The following GRK5 variants were observed in gnomAD, a reference collection of about 807,000 sequenced individuals.
The protein encoded by GRK5 is G protein-coupled receptor kinase 5, also known as g protein-coupled receptor kinase GRK5.
GRK5 carries 40 observed loss-of-function variants against 78.4 expected under a neutral mutation model. That is an observed-to-expected ratio of 0.51 (90% CI 0.40 to 0.66). The LOEUF is 0.66. GRK5 is among the 30% of genes least tolerant of loss of function. The pLI, the probability that GRK5 is intolerant of heterozygous loss-of-function variation, is 0.00. For synonymous variants in GRK5, 289 were observed against 296.8 expected (o/e 0.97, Z 0.27); for missense variants, 598 against 759.9 (o/e 0.79, Z 2.50).
intron 2 of GRK5, among the ~76,000 whole-genome samples, chr10:119,380,375 C>T (rs1851692393): frequency 6.6e-6 from 1 of 152,234 alleles, no homozygotes; most frequent in African/African-American, 2.4e-5. Flanking sequence ...TTCACACCCA[C>T]TCACCATGAC....
chr10:119,314,881 T>A (rs1564888099), intron 1 of GRK5, among the ~76,000 whole-genome samples: 1 of 152,154 alleles, frequency 6.6e-6, no homozygotes, highest in Non-Finnish European at 1.5e-5. Flanking sequence ...GCAGAAAGGC[T>A]GTGTAGAGAA....
At chr10:119,316,654 C>A (rs1206730755) in intron 1 of GRK5, among the ~76,000 whole-genome samples, 1 of 152,342 alleles carries the variant, frequency 6.6e-6, no homozygotes, top group East Asian at 1.9e-4. Flanking sequence ...GATACCCAAA[C>A]CCTTGACAGG....
At chr10:119,210,140 C>T (rs1275271787) in intron 1 of GRK5, among the ~76,000 whole-genome samples, 3 of 151,926 alleles carry the variant, frequency 2.0e-5, no homozygotes, top group African/African-American at 7.2e-5. Flanking sequence ...ATGTGCCTTT[C>T]ACTTTTTTTT....
At chr10:119,218,327 G>T (rs1165211909) in intron 1 of GRK5, among the ~76,000 whole-genome samples, 2 of 152,118 alleles carry the variant, frequency 1.3e-5, no homozygotes, top group African/African-American at 2.4e-5. Flanking sequence ...GGAAGGGGAG[G>T]GGGTAGGAGA....
intron 4 of GRK5, among the ~76,000 whole-genome samples, chr10:119,398,096 G>A (rs971796922): frequency 6.6e-6 from 1 of 152,332 alleles, no homozygotes; most frequent in African/African-American, 2.4e-5. Flanking sequence ...CCACCTTGGG[G>A]GCCTTGCTAT....
intron 1 of GRK5, among the ~76,000 whole-genome samples, chr10:119,221,212 C>T (rs1286474157): frequency 6.6e-6 from 1 of 152,042 alleles, no homozygotes; most frequent in Non-Finnish European, 1.5e-5. Flanking sequence ...TCTTCCCATG[C>T]ACCCCTGCTA....
At chr10:119,337,745 G>A (rs539245661) in intron 2 of GRK5, among the ~76,000 whole-genome samples, 9 of 151,764 alleles carry the variant, frequency 5.9e-5, no homozygotes, top group Non-Finnish European at 1.0e-4. Flanking sequence ...TCAGCCTCTC[G>A]AGTAGCTGGG....
intron 8 of GRK5, among the ~76,000 whole-genome samples, chr10:119,434,384 C>T (rs561399766): frequency 5.9e-5 from 9 of 152,292 alleles, no homozygotes; most frequent in East Asian, 1.9e-4. Context: ...CCTACGAGCC[C>T]GTAAAATCAA....
At chr10:119,289,702 C>A (rs1849916894) in intron 1 of GRK5, among the ~76,000 whole-genome samples, 1 of 152,190 alleles carries the variant, frequency 6.6e-6, no homozygotes, top group South Asian at 2.1e-4. Context: ...TCTCCTGGCC[C>A]AGCAGTGGTT....
chr10:119,208,421 A>G (rs555796549), intron 1 of GRK5: 15 of 174,080 alleles, frequency 8.6e-5, no homozygotes, highest in Non-Finnish European at 1.3e-4. Context: ...CTGAGTTGAT[A>G]TAGACTATTG....
chr10:119,329,471 C>T (rs754610478), intron 2 of GRK5, among the ~76,000 whole-genome samples: 4 of 152,140 alleles, frequency 2.6e-5, no homozygotes, highest in African/African-American at 4.8e-5. Context: ...AGAGTGGATA[C>T]TAGACAAACT....
Position 119,431,665 on chromosome 10 carries a change from C to T in GRK5, c.738+138C>T. 9.8e-7 allele frequency: 1 copy of T among 1,024,564 alleles called. No homozygotes were observed. Among genetic ancestry groups the T allele is most frequent in the Non-Finnish European group, 1.4e-6 (1 of 719,298 alleles). 63.5% of individuals were successfully genotyped at this position (1,024,564 alleles called of 1,614,324 possible). ...GAATGCCAGTGGCAGCGCTGAGCTA[C>T]AGAAAGGCCGCAAGACATTCCTCCA... On this transcript the variant is annotated intron_variant, in intron 8 of 15. Transcript: ENST00000392870. The surrounding 1 kb of genome is among the most constrained non-coding windows in gnomAD (Gnocchi z 4.8).
intron 1 of GRK5, among the ~76,000 whole-genome samples, chr10:119,224,382 TTAATTTA>T (rs1436147489): frequency 3.0e-5 from 4 of 133,192 alleles, no homozygotes; most frequent in Non-Finnish European, 6.5e-5. Context: ...TATTTATTTA[TTAATTTA>T]TTATTTATTT....
chr10:119,368,581 A>G (rs567890687), intron 2 of GRK5, among the ~76,000 whole-genome samples: 29 of 152,342 alleles, frequency 1.9e-4, no homozygotes, highest in African/African-American at 6.7e-4. Context: ...AGGGGAAACC[A>G]AGGTCCAGAG....
intron 4 of GRK5, among the ~76,000 whole-genome samples, chr10:119,416,041 G>A (rs1852444744): frequency 6.6e-6 from 1 of 152,188 alleles, no homozygotes; most frequent in African/African-American, 2.4e-5. Context: ...GTGGCTCTGG[G>A]GAGGCCTCTG....
At chr10:119,450,598 A>T (rs1176370987) in intron 13 of GRK5, among the ~76,000 whole-genome samples, 1 of 152,152 alleles carries the variant, frequency 6.6e-6, no homozygotes, top group Non-Finnish European at 1.5e-5. Flanking sequence ...GGTCAGAGCG[A>T]CCAACTGTCC....
chr10:119,407,375 C>T (rs1564922694), intron 4 of GRK5, among the ~76,000 whole-genome samples: 1 of 152,320 alleles, frequency 6.6e-6, no homozygotes, highest in East Asian at 1.9e-4. Flanking sequence ...TGCTTACTGA[C>T]TTGGTTTTCC....
chr10:119,446,602 G>C (rs1303380730), intron 12 of GRK5, among the ~76,000 whole-genome samples: 2 of 152,184 alleles, frequency 1.3e-5, no homozygotes, highest in African/African-American at 4.8e-5. Context: ...CCAGTGCCTT[G>C]AGCCTTTGTT....
intron 1 of GRK5, among the ~76,000 whole-genome samples, chr10:119,250,680 T>C (rs1849185049): frequency 6.6e-6 from 1 of 152,164 alleles, no homozygotes; most frequent in Admixed American, 6.5e-5. Flanking sequence ...CACTTTTTCC[T>C]TAAGTCAGCA....
Sources: allele counts gnomAD v4.1 joint callset (sites outside exome capture counted in the v4.1 genomes callset), GRCh38; gene constraint gnomAD v4.1.1; non-coding constraint Gnocchi (gnomAD v3.1); transcripts MANE v1.5; gene names NCBI Gene and HGNC (gene_info 2026-07-23, HGNC 2026-07-21).